XKR9: variants seen among roughly 807,000 people sequenced by gnomAD.
The protein encoded by XKR9 is XK related 9, also known as XK-related protein 9.
In XKR9, 32 loss-of-function variants were observed where a neutral mutation model predicts 32.0. That is an observed-to-expected ratio of 1.00 (90% CI 0.76 to 1.34). The LOEUF (loss-of-function observed/expected upper bound fraction) is 1.34, where lower values mean the gene tolerates loss of function less well. Ranked by LOEUF, XKR9 falls within the 40% of genes most tolerant of loss-of-function variation. The pLI is 0.00. For synonymous variants in XKR9, 168 were observed against 143.4 expected (o/e 1.17, Z -1.22); for missense variants, 546 against 429.7 (o/e 1.27, Z -2.39).
At chr8:70,770,134 T>A (rs533393804) in intron 2 of XKR9, among the ~76,000 whole-genome samples, 2 of 152,272 alleles carry the variant, frequency 1.3e-5, no homozygotes, top group Middle Eastern at 3.4e-3. Flanking sequence ...TGCATGTGTG[T>A]CCTTTTTGTT....
the XKR9 span, among the ~76,000 whole-genome samples, chr8:70,863,835 C>G: frequency 6.6e-6 from 1 of 152,074 alleles, no homozygotes. Context: ...TAGAATGATG[C>G]CCTCATACTG....
rs768764665 is a variant in XKR9, at chr8:70,734,104, G to T, written c.802G>T (p.Gly268Ter). The T allele has an allele frequency of 2.8e-5, 45 of 1,612,300 alleles. No individual in the cohort carries two copies. The highest frequency in any genetic ancestry group is 3.6e-5 in the Non-Finnish European group (43 of 1,178,904). ...GGAATTCTTATATAGGATTGTTGTT[G>T]GATTCATTCTTATCTTTACATTTTT... ...SMEFLYRIVVGFILIFTFFNI... is the reference protein window; with the variant it reads ...SMEFLYRIVV Residue 268 changes from glycine to a stop codon, truncating the protein, a stop_gained, in exon 5 of 5, where the codon GGA becomes TGA. Coordinates refer to ENST00000408926, the MANE Select transcript of XKR9 (RefSeq NM_001011720.2). LOFTEE classifies it high-confidence loss of function.
At chr8:70,687,383 T>TTCTCTTTCTC (rs1819334166) in intron 3 of XKR9, among the ~76,000 whole-genome samples, 1 of 120,352 alleles carries the variant, frequency 8.3e-6, no homozygotes, top group Admixed American at 8.0e-5. Context: ...TTCTCTTTCT[T>TTCTCTTTCTC]TCTCTTTCTC....
chr8:70,959,728 T>A, the XKR9 span, among the ~76,000 whole-genome samples: 1 of 152,226 alleles, frequency 6.6e-6, no homozygotes, highest in Non-Finnish European at 1.5e-5. Flanking sequence ...TTCTCTTTCT[T>A]GTTTTGATTT....
At position 70,672,434 on chromosome 8, in the gene XKR9, T is replaced by C. The variant is rs183755875; in HGVS notation, c.-360-2384T>C. On this transcript the variant is annotated intron_variant, in intron 1 of 4. Coordinates refer to ENST00000408926, the MANE Select transcript of XKR9 (RefSeq NM_001011720.2). ...ATGATCTCATTTTTTTATGGCCAAATAGTATTTTATTGTGTGTATATATCA... is the reference window on the plus strand; with the variant it reads ...ATGATCTCATTTTTTTATGGCCAAACAGTATTTTATTGTGTGTATATATCA... Among the ~76,000 whole-genome samples, 228 of 152,324 alleles carry C rather than the reference T, an allele frequency of 1.5e-3. 4 individuals are homozygous for C. The highest frequency in any genetic ancestry group is 5.1e-3 in the African/African-American group (212 of 41,566).
chr8:70,873,043 T>C, the XKR9 span, among the ~76,000 whole-genome samples: 1 of 152,190 alleles, frequency 6.6e-6, no homozygotes, highest in African/African-American at 2.4e-5. Flanking sequence ...GAATTGACTC[T>C]GCCTGTGCTC....
At chr8:70,773,573 C>T (rs1807481581) in intron 2 of XKR9, among the ~76,000 whole-genome samples, 1 of 152,118 alleles carries the variant, frequency 6.6e-6, no homozygotes, top group Non-Finnish European at 1.5e-5. Flanking sequence ...GTGTGTTAAT[C>T]TTTTATGATG....
chr8:70,795,124 T>G (rs755026305), downstream of XKR9, among the ~76,000 whole-genome samples: 13 of 152,120 alleles, frequency 8.5e-5, no homozygotes, highest in Non-Finnish European at 1.9e-4. Context: ...ATCCTCTCCC[T>G]CCTCCCACCC....
the XKR9 span, among the ~76,000 whole-genome samples, chr8:70,907,256 A>G: frequency 6.6e-6 from 1 of 152,176 alleles, no homozygotes; most frequent in Non-Finnish European, 1.5e-5. Flanking sequence ...GGACTAATAG[A>G]TATTTTCTCA....
downstream of XKR9, among the ~76,000 whole-genome samples, chr8:70,738,428 A>G (rs1806903052): frequency 6.7e-6 from 1 of 148,306 alleles, no homozygotes; most frequent in Admixed American, 6.7e-5. Flanking sequence ...CAGCTCCTGG[A>G]TTCATTAATT....
At chr8:70,853,456 C>G in the XKR9 span, among the ~76,000 whole-genome samples, 1 of 151,504 alleles carries the variant, frequency 6.6e-6, no homozygotes, top group African/African-American at 2.4e-5. Flanking sequence ...AAAGCTAAAA[C>G]TAAACATCTA....
the XKR9 span, among the ~76,000 whole-genome samples, chr8:71,060,852 G>T: frequency 6.6e-6 from 1 of 152,146 alleles, no homozygotes; most frequent in Admixed American, 6.5e-5. Flanking sequence ...AAGACCACAT[G>T]GTTAGTAAGA....
the XKR9 span, among the ~76,000 whole-genome samples, chr8:70,984,004 G>A: frequency 5.9e-5 from 9 of 152,070 alleles, no homozygotes; most frequent in Non-Finnish European, 1.2e-4. Flanking sequence ...AGGAGCTTAC[G>A]CTACAAACTT....
the XKR9 span, among the ~76,000 whole-genome samples, chr8:70,985,964 G>T: frequency 6.6e-6 from 1 of 152,014 alleles, no homozygotes; most frequent in Non-Finnish European, 1.5e-5. Context: ...CTAGTAGACT[G>T]GAAATCAAAA....
chr8:70,705,186 A>G (rs1805677959), intron 3 of XKR9, among the ~76,000 whole-genome samples: 1 of 152,178 alleles, frequency 6.6e-6, no homozygotes, highest in African/African-American at 2.4e-5. Flanking sequence ...AAAAAATGTC[A>G]TGAGCTTTCA....
chr8:70,900,327 C>T, the XKR9 span, among the ~76,000 whole-genome samples: 7 of 152,162 alleles, frequency 4.6e-5, no homozygotes, highest in East Asian at 1.9e-4. Context: ...GCAGTGCTCG[C>T]GCTTGTAATC....
intron 2 of XKR9, among the ~76,000 whole-genome samples, chr8:70,767,138 C>T (rs1388485048): frequency 6.6e-6 from 1 of 152,162 alleles, no homozygotes. Flanking sequence ...AGGAGTCCCT[C>T]TTTTTCTATT....
At chr8:70,774,558 C>T (rs1807494610) in intron 2 of XKR9, among the ~76,000 whole-genome samples, 1 of 152,062 alleles carries the variant, frequency 6.6e-6, no homozygotes, top group Non-Finnish European at 1.5e-5. Flanking sequence ...GATCTATAGG[C>T]CATTTGGGGT....
At chr8:70,881,701 A>G in the XKR9 span, among the ~76,000 whole-genome samples, 1 of 152,178 alleles carries the variant, frequency 6.6e-6, no homozygotes, top group East Asian at 1.9e-4. Flanking sequence ...GTGGAAGACA[A>G]TGTGGCTTTT....
Sources: allele counts gnomAD v4.1 joint callset (sites outside exome capture counted in the v4.1 genomes callset), GRCh38; gene constraint gnomAD v4.1.1; transcripts MANE v1.5; gene names NCBI Gene and HGNC (gene_info 2026-07-23, HGNC 2026-07-21).